ARID4A: variants seen among roughly 807,000 people sequenced by gnomAD.
ARID4A encodes the protein AT-rich interaction domain 4A.
Under a neutral mutation model 148.6 loss-of-function variants are expected in ARID4A, and 39 were observed. The observed-to-expected ratio is 0.26, with a 90% CI of 0.20 to 0.34. The LOEUF is 0.34. ARID4A is among the 10% of genes least tolerant of loss of function. ARID4A has a pLI of 1.00. For missense variants in ARID4A, 1,265 were observed against 1,449.1 expected (o/e 0.87, Z 2.06); for synonymous variants, 475 against 481.2 (o/e 0.99, Z 0.17).
intron 23 of ARID4A, among the ~76,000 whole-genome samples, chr14:58,371,501 A>G (rs2035612896): frequency 6.6e-6 from 1 of 152,172 alleles, no homozygotes; most frequent in African/African-American, 2.4e-5. Context: ...TCTGAGTTAA[A>G]TTAATTCTCT....
At chr14:58,339,942 A>G (rs568505256) in intron 11 of ARID4A, among the ~76,000 whole-genome samples, 58 of 152,130 alleles carry the variant, frequency 3.8e-4, no homozygotes, top group Middle Eastern at 3.4e-3. Flanking sequence ...CCTCACTACC[A>G]TGAGAACAGC....
At chr14:58,364,074 T>A (rs1329800481) in intron 19 of ARID4A, 96 bp from the exon 20 acceptor site, 4 of 633,014 alleles carry the variant, frequency 6.3e-6, no homozygotes, top group Non-Finnish European at 9.2e-6. Flanking sequence ...GGTACATGAT[T>A]AAAGATTTTT....
At chr14:58,367,544 A>G (rs1053976707) in intron 23 of ARID4A, among the ~76,000 whole-genome samples, 4 of 152,254 alleles carry the variant, frequency 2.6e-5, no homozygotes, top group African/African-American at 9.6e-5. Flanking sequence ...CTTTCTTCTC[A>G]AAGATCTTAA....
At chr14:58,328,382 C>G (rs1001590581) in intron 9 of ARID4A, 66 bp downstream of exon 9, 5 of 1,002,358 alleles carry the variant, frequency 5.0e-6, no homozygotes, top group South Asian at 4.3e-5. Context: ...CAATGATAGA[C>G]ACCTCCCCCA....
intron 15 of ARID4A, among the ~76,000 whole-genome samples, chr14:58,350,418 A>T (rs1187490401): frequency 6.6e-6 from 1 of 152,194 alleles, no homozygotes; most frequent in African/African-American, 2.4e-5. Context: ...GGAGATAGTG[A>T]AATTGCTCAC....
Position 58,366,154 on chromosome 14 carries a change from A to T in ARID4A, c.3447A>T (p.Lys1149Asn). 3 of 1,613,990 alleles carry T rather than the reference A, an allele frequency of 1.9e-6. No homozygotes were observed. Among genetic ancestry groups the T allele is most frequent in the Non-Finnish European group, 2.5e-6 (3 of 1,179,888 alleles). Residue 1149 changes from lysine to asparagine, a missense_variant, in exon 22 of 24, where the codon AAA (lysine) becomes AAT (asparagine). Coordinates refer to ENST00000355431, the MANE Select transcript of ARID4A (RefSeq NM_002892.4). ...CTGCAAGAATATCCCCGCACATCAA[A>T]GATGGAGAGAAAGATAAACACAGAG... ...RSPARISPHI[K>N]DGEKDKHREK...
At chr14:58,315,110 C>T (rs972446745) in intron 5 of ARID4A, among the ~76,000 whole-genome samples, 3 of 152,132 alleles carry the variant, frequency 2.0e-5, no homozygotes, top group Non-Finnish European at 4.4e-5. Flanking sequence ...CAGAATGAGA[C>T]TCTGTCTCTA....
chr14:58,344,619 G>A (rs1208818450), intron 11 of ARID4A, 76 bp from the exon 12 acceptor site: 1 of 1,035,894 alleles, frequency 9.7e-7, no homozygotes, highest in Admixed American at 2.7e-5. Flanking sequence ...CTTTACATTG[G>A]GTTCACAAAA....
chr14:58,351,216 G>A lies in ARID4A; in HGVS notation c.1548G>A (p.Glu516=). 1 of 1,613,004 alleles carries A rather than the reference G, an allele frequency of 6.2e-7. No homozygotes were observed. Among genetic ancestry groups the A allele is most frequent in the Non-Finnish European group, 8.5e-7 (1 of 1,179,804 alleles). Residue 516 remains glutamate, a synonymous_variant, in exon 16 of 24, where the codon GAG becomes GAA. Coordinates refer to ENST00000355431, the MANE Select transcript of ARID4A (RefSeq NM_002892.4). The part of the protein sequence containing the change: ...DYETAEKKEN[E]LLLGRKNTPK... ...AAACTGCAGAGAAAAAAGAAAATGA[G>A]CTACTACTGGGGAGAAAAAATACAC...
chr14:58,301,514 T>C, intron 2 of ARID4A, 66 bp from the exon 3 acceptor site: 6 of 1,082,422 alleles, frequency 5.5e-6, no homozygotes, highest in South Asian at 4.5e-5. Context: ...AACCTTTTAA[T>C]GAGACTTGAG....
chr14:58,303,612 T>C, intron 3 of ARID4A: 1 of 459,240 alleles, frequency 2.2e-6, no homozygotes, highest in South Asian at 1.6e-5. Flanking sequence ...TGATACATAG[T>C]GGACCCTCAA....
intron 11 of ARID4A, among the ~76,000 whole-genome samples, chr14:58,340,400 A>C (rs2034056520): frequency 6.6e-6 from 1 of 151,944 alleles, no homozygotes; most frequent in Non-Finnish European, 1.5e-5. Context: ...CCCAGGCTGG[A>C]GTGCAGTGGC....
intron 21 of ARID4A, 85 bp downstream of exon 21, chr14:58,365,707 A>T: frequency 8.5e-7 from 1 of 1,181,460 alleles, no homozygotes. Context: ...ATGGAGCAAT[A>T]CTATATTGTT....
rs766245592 is a variant in ARID4A at position 58,330,021 on chromosome 14, T to C, written c.758T>C (p.Ile253Thr). 1 of 1,609,972 alleles carries C rather than the reference T, an allele frequency of 6.2e-7. No individual in the cohort carries two copies. The highest frequency in any genetic ancestry group is 1.7e-5 in the Admixed American group (1 of 58,616). ...CTCTTAGGGCTTCAGAAAGCAAGCA[T>C]CTTCTTAAAAACTAGAGTTGTTCCT... is the stretch of plus-strand genomic sequence containing the variant. The part of the protein sequence containing the change: ...STKPGLQKAS[I>T]FLKTRVVPDN... Residue 253 changes from isoleucine to threonine, a missense_variant, in exon 11 of 24, where the codon ATC becomes ACC. Around this residue, in one of 9 missense-constraint regions of ARID4A, gnomAD observed 249 missense variants for 277.2 expected, o/e 0.90. Coordinates refer to ENST00000355431, the MANE Select transcript of ARID4A (RefSeq NM_002892.4).
At chr14:58,370,913 T>C (rs1446522347) in intron 23 of ARID4A, among the ~76,000 whole-genome samples, 3 of 152,298 alleles carry the variant, frequency 2.0e-5, no homozygotes, top group South Asian at 2.1e-4. Flanking sequence ...GCCCAGCTTA[T>C]TATAGTCTTT....
In ARID4A at chr14:58,372,158, G is replaced by A. The variant is rs1594981631; in HGVS notation, c.*169G>A. ...CCCCTCTCTCTTCTTTTTTCTTGTT[G>A]CAAAAAATAAGCTGATTAATAAGTG... is the stretch of plus-strand genomic sequence containing the variant. On this transcript the variant is annotated 3_prime_UTR_variant, in exon 24 of 24. Coordinates refer to ENST00000355431, the MANE Select transcript of ARID4A (RefSeq NM_002892.4). 1 of 523,448 alleles carries A rather than the reference G, an allele frequency of 1.9e-6. No individual in the cohort carries two copies. Among genetic ancestry groups the A allele is most frequent in the African/African-American group, 1.9e-5 (1 of 51,696 alleles). The allele number at this position is 523,448 out of a possible 1,614,324, so 32.4% of individuals were successfully genotyped here. A position where few individuals can be genotyped will look rare whatever the true frequency, so the allele number is the denominator to read the frequency against.
chr14:58,365,488 T>TC (rs2035320937), intron 20 of ARID4A, 30 bp from the exon 21 acceptor site: 5 of 1,135,306 alleles, frequency 4.4e-6, no homozygotes, highest in African/African-American at 1.7e-5. Flanking sequence ...TTTTTTTTTT[T>TC]TCAACATTCT....
intron 7 of ARID4A, among the ~76,000 whole-genome samples, chr14:58,319,049 G>A (rs1027322676): frequency 6.6e-6 from 1 of 151,862 alleles, no homozygotes. Flanking sequence ...AGTTTTTTTT[G>A]TTTTGTTTTG....
chr14:58,367,560 A>G (rs770667028), intron 23 of ARID4A, among the ~76,000 whole-genome samples: 8 of 152,236 alleles, frequency 5.3e-5, no homozygotes, highest in Non-Finnish European at 1.2e-4. Flanking sequence ...CTTAACATCT[A>G]GTGGAACAGT....
Sources: allele counts gnomAD v4.1 joint callset (sites outside exome capture counted in the v4.1 genomes callset), GRCh38; gene constraint gnomAD v4.1.1; regional missense constraint gnomAD v4.1.1; transcripts MANE v1.5; gene names NCBI Gene and HGNC (gene_info 2026-07-23, HGNC 2026-07-21).